Variants in LAMB4 observed in about 807,000 individuals in gnomAD.
LAMB4 encodes the protein laminin subunit beta 4, also known as laminin subunit beta-4.
LAMB4 carries 196 observed loss-of-function variants against 199.2 expected under a neutral mutation model. The ratio of observed to expected loss-of-function variants is 0.98; its 90% confidence interval spans 0.88 to 1.11. The LOEUF (loss-of-function observed/expected upper bound fraction) is 1.11. Ranked by LOEUF, LAMB4 falls within the 50% of genes least tolerant of loss-of-function variation. LAMB4 has a pLI of 0.00. For missense variants in LAMB4, 2,080 were observed against 2,171.2 expected (o/e 0.96, Z 0.83); for synonymous variants, 744 against 770.6 (o/e 0.97, Z 0.57).
chr7:108,094,416 C>T (rs1446993410), intron 12 of LAMB4, among the ~76,000 whole-genome samples: 1 of 152,106 alleles, frequency 6.6e-6, no homozygotes, highest in Non-Finnish European at 1.5e-5. Flanking sequence ...TCCTTCCTTG[C>T]TTCTTTCCCC....
chr7:108,121,531 C>A (rs999793560), intron 2 of LAMB4, among the ~76,000 whole-genome samples: 7 of 152,128 alleles, frequency 4.6e-5, no homozygotes, highest in African/African-American at 1.7e-4. Flanking sequence ...GGGTGTTTCA[C>A]CTGAGGTCAG....
At chr7:108,012,155 A>T in the LAMB4 span, among the ~76,000 whole-genome samples, 2 of 151,854 alleles carry the variant, frequency 1.3e-5, no homozygotes, top group African/African-American at 4.8e-5. Flanking sequence ...TATTTCTATA[A>T]ATAAAATATA....
intron 3 of LAMB4, 140 bp downstream of exon 3, chr7:108,115,864 G>A: frequency 3.4e-6 from 3 of 891,920 alleles, no homozygotes; most frequent in Non-Finnish European, 3.4e-6. Context: ...CGTGGATACT[G>A]AGGGACAACT....
chr7:108,114,771 A>C (rs543853284), intron 3 of LAMB4, among the ~76,000 whole-genome samples: 1 of 152,270 alleles, frequency 6.6e-6, no homozygotes, highest in South Asian at 2.1e-4. Context: ...CCTCTCATTT[A>C]TGGGGTGGAC....
At chr7:108,104,981 T>C (rs1208131446) in intron 8 of LAMB4, among the ~76,000 whole-genome samples, 2 of 151,134 alleles carry the variant, frequency 1.3e-5, no homozygotes, top group Admixed American at 1.3e-4. Context: ...TAAGAGAAAA[T>C]AGAGAGTTAG....
intron 14 of LAMB4, among the ~76,000 whole-genome samples, chr7:108,085,131 G>A (rs2037119779): frequency 6.6e-6 from 1 of 152,236 alleles, no homozygotes; most frequent in Non-Finnish European, 1.5e-5. Context: ...ACAGGACAAC[G>A]CACAGTTTCA....
At position 108,079,706 on chromosome 7, in the gene LAMB4, A is replaced by C. The variant is rs2036854839; in HGVS notation, c.1782T>G (p.Thr594=). 6.2e-7 allele frequency: 1 copy of C among 1,612,540 alleles called. No individual in the cohort carries two copies. The highest frequency in any genetic ancestry group is 1.3e-5 in the African/African-American group (1 of 74,906). Residue 594 remains threonine, a synonymous_variant, in exon 15 of 34, where the codon ACT becomes ACG. Coordinates refer to ENST00000388781, the MANE Select transcript of LAMB4 (RefSeq NM_007356.3). ...GGAGAACCCTGGCAAATCCAGGTCC[A>C]GTCCATGTAACAGGGTTCCCAGGAA... ...EPVPGNPVTW[T]GPGFARVLPG...
chr7:108,094,310 C>T (rs550777999), intron 12 of LAMB4, among the ~76,000 whole-genome samples: 1 of 152,192 alleles, frequency 6.6e-6, no homozygotes, highest in Non-Finnish European at 1.5e-5. Context: ...TTGTGTTACA[C>T]ACTTATGGTC....
intron 33 of LAMB4, among the ~76,000 whole-genome samples, chr7:108,028,621 C>G (rs192435968): frequency 6.6e-6 from 1 of 151,844 alleles, no homozygotes; most frequent in African/African-American, 2.4e-5. Flanking sequence ...GGATTACAGG[C>G]ACCCACCACC....
chr7:108,094,498 C>T (rs891051955), intron 12 of LAMB4, among the ~76,000 whole-genome samples: 4 of 151,800 alleles, frequency 2.6e-5, no homozygotes, highest in African/African-American at 7.3e-5. Context: ...TCCTCATAGG[C>T]ATATGTTTCT....
At chr7:108,130,108 C>T (rs1344575971) in intron 1 of LAMB4, among the ~76,000 whole-genome samples, 198 bp downstream of exon 1, 4 of 152,172 alleles carry the variant, frequency 2.6e-5, no homozygotes, top group African/African-American at 9.7e-5. Flanking sequence ...TCAATTTTCC[C>T]ATTGGATACT....
chr7:108,069,858 A>T lies in LAMB4; in HGVS notation c.2152T>A (p.Leu718Met). ...TCCTGCTTGCTGCAGAAATTCTCCA[A>T]TGAATTGATTTGGGGAATAAGGCCA... ...SLGLIPQINS[L>M]ENFCSKQDLD... Residue 718 changes from leucine to methionine, a missense_variant, in exon 18 of 34, where the codon TTG (leucine) becomes ATG (methionine). Physicochemically the swap from Leu to Met is conservative, Grantham distance 15. Coordinates refer to ENST00000388781, the MANE Select transcript of LAMB4 (RefSeq NM_007356.3). 6.2e-7 allele frequency: 1 copy of T among 1,613,468 alleles called. No individual in the cohort carries two copies. The highest frequency in any genetic ancestry group is 8.5e-7 in the Non-Finnish European group (1 of 1,179,572).
At chr7:108,109,101 G>A (rs990497945) in intron 5 of LAMB4, 70 bp downstream of exon 5, 25 of 1,183,644 alleles carry the variant, frequency 2.1e-5, no homozygotes, top group Non-Finnish European at 6.3e-6. Context: ...GCAAGGCAGT[G>A]AAATTCCAGA....
At chr7:108,017,812 A>G in the LAMB4 span, among the ~76,000 whole-genome samples, 1 of 152,220 alleles carries the variant, frequency 6.6e-6, no homozygotes, top group Non-Finnish European at 1.5e-5. Flanking sequence ...TGAGGTCTTG[A>G]AGGATTCCTG....
At chr7:108,037,261 C>T in intron 30 of LAMB4, 127 bp downstream of exon 30, 2 of 726,932 alleles carry the variant, frequency 2.8e-6, no homozygotes, top group South Asian at 3.7e-5. Flanking sequence ...CAGCCCTCAA[C>T]TTGGGCACTG....
intron 18 of LAMB4, among the ~76,000 whole-genome samples, chr7:108,069,148 G>A (rs1023568881): frequency 4.6e-5 from 7 of 152,216 alleles, no homozygotes; most frequent in Non-Finnish European, 8.8e-5. Flanking sequence ...CTCAACTGAA[G>A]GATGATTTTG....
At chr7:108,070,795 G>A (rs1244465579) in intron 17 of LAMB4, among the ~76,000 whole-genome samples, 2 of 152,114 alleles carry the variant, frequency 1.3e-5, no homozygotes, top group Non-Finnish European at 2.9e-5. Context: ...GCATGGGGGT[G>A]TTGACACCCC....
At chr7:108,020,340 A>G (rs2701047), downstream of LAMB4, among the ~76,000 whole-genome samples, 31,415 of 151,774 alleles carry the variant, frequency 0.21, 7,657 homozygotes, top group African/African-American at 0.6. Flanking sequence ...GCATGGTGGC[A>G]CATGCCTGTA....
Position 108,098,590 on chromosome 7 carries a change from C to T in LAMB4, c.1181-8G>A, listed in dbSNP as rs1189773523. ...CGGGGTCACATTCACAAGCTGGGGA[C>T]ACAGACATTCATTGTTTTAGTTAAT... On this transcript the variant is annotated splice_region_variant and splice_polypyrimidine_tract_variant and intron_variant, in intron 10 of 33. Coordinates refer to ENST00000388781, the MANE Select transcript of LAMB4 (RefSeq NM_007356.3). The T allele has an allele frequency of 1.3e-6, 2 of 1,581,434 alleles. No homozygotes were observed. Among genetic ancestry groups the T allele is most frequent in the South Asian group, 1.2e-5 (1 of 85,724 alleles).
Sources: gnomAD v4.1 joint callset for allele counts (sites outside exome capture counted in the v4.1 genomes callset) on GRCh38, gnomAD v4.1.1 for gene constraint, MANE v1.5 for transcripts, NCBI Gene and HGNC (gene_info 2026-07-23, HGNC 2026-07-21) for gene names.